Variants in PTPRD observed in about 807,000 individuals in gnomAD.
The protein encoded by PTPRD is protein tyrosine phosphatase receptor type D.
In PTPRD, 34 loss-of-function variants were observed where a neutral mutation model predicts 214.5. The ratio of observed to expected loss-of-function variants is 0.16; its 90% confidence interval spans 0.12 to 0.21. The LOEUF is 0.21. PTPRD is among the 10% of genes least tolerant of loss of function. The probability of loss-of-function intolerance (pLI) is 1.00; values close to 1 mark genes in which losing one functional copy is unlikely to be tolerated. For synonymous variants in PTPRD, 1,128 were observed against 845.7 expected, an observed-to-expected ratio of 1.33 and a Z score of -5.79; for missense variants, 2,545 against 2,398.7, an observed-to-expected ratio of 1.06 and a Z score of -1.27.
chr9:9,457,119 G>C (rs955851038), intron 8 of PTPRD, among the ~76,000 whole-genome samples: 1 of 151,894 alleles, frequency 6.6e-6, no homozygotes, highest in Non-Finnish European at 1.5e-5. Context: ...AGTAAGTGAA[G>C]TACTAGGTGA....
At chr9:10,350,437 A>T (rs1230991588) in intron 2 of PTPRD, among the ~76,000 whole-genome samples, 1 of 152,004 alleles carries the variant, frequency 6.6e-6, no homozygotes, top group Admixed American at 6.6e-5. Flanking sequence ...CATTTTACTT[A>T]TTATTAATAG....
intron 14 of PTPRD, among the ~76,000 whole-genome samples, chr9:8,550,574 C>T (rs963442095): frequency 6.6e-6 from 1 of 152,162 alleles, no homozygotes; most frequent in Non-Finnish European, 1.5e-5. Context: ...TGCTTATGTG[C>T]ACACACATTC....
At chr9:8,962,603 C>T (rs552470686) in intron 11 of PTPRD, among the ~76,000 whole-genome samples, 1 of 151,884 alleles carries the variant, frequency 6.6e-6, no homozygotes, top group African/African-American at 2.4e-5. Flanking sequence ...CAAGGGTGTC[C>T]ATGTAAAAAA....
intron 2 of PTPRD, among the ~76,000 whole-genome samples, chr9:10,549,202 T>G (rs1422511880): frequency 6.6e-6 from 1 of 152,186 alleles, no homozygotes; most frequent in South Asian, 2.1e-4. Flanking sequence ...TTCTTAACCA[T>G]GTATTATTAA....
At chr9:9,586,442 A>G (rs1404381855) in intron 7 of PTPRD, among the ~76,000 whole-genome samples, 1 of 152,014 alleles carries the variant, frequency 6.6e-6, no homozygotes, top group Non-Finnish European at 1.5e-5. Flanking sequence ...AGTTTTATGT[A>G]CCAGGCATTT....
chr9:9,524,416 T>G (rs1262273454), intron 8 of PTPRD, among the ~76,000 whole-genome samples: 1 of 152,188 alleles, frequency 6.6e-6, no homozygotes, highest in Non-Finnish European at 1.5e-5. Context: ...ATATTCTCCT[T>G]AATTCCTAAA....
At chr9:10,596,119 A>T (rs985125232) in intron 2 of PTPRD, among the ~76,000 whole-genome samples, 1 of 151,782 alleles carries the variant, frequency 6.6e-6, no homozygotes, top group African/African-American at 2.4e-5. Context: ...TAAGTTAGAT[A>T]ATAGGATGTC....
chr9:8,474,845 A>C (rs2096732159), intron 30 of PTPRD, among the ~76,000 whole-genome samples: 1 of 151,970 alleles, frequency 6.6e-6, no homozygotes, highest in African/African-American at 2.4e-5. Flanking sequence ...GTAAAGTAGA[A>C]GGGCTGGCCC....
At chr9:8,714,527 T>A in intron 12 of PTPRD, among the ~76,000 whole-genome samples, 1 of 152,312 alleles carries the variant, frequency 6.6e-6, no homozygotes, top group South Asian at 2.1e-4. Context: ...CTCCCCATTA[T>A]AGGATCTCTG....
intron 9 of PTPRD, among the ~76,000 whole-genome samples, chr9:9,344,835 GA>G (rs573654997): frequency 1.3e-5 from 2 of 151,458 alleles, no homozygotes; most frequent in African/African-American, 4.8e-5. Context: ...TGGTAGTTAA[GA>G]AAAAAAATGA....
chr9:10,446,484 T>G (rs2098800758), intron 2 of PTPRD, among the ~76,000 whole-genome samples: 1 of 149,560 alleles, frequency 6.7e-6, no homozygotes, highest in Non-Finnish European at 1.5e-5. Context: ...AATTCTCCTC[T>G]TTTAGTGGGA....
intron 5 of PTPRD, among the ~76,000 whole-genome samples, chr9:9,934,739 A>T (rs2153945241): frequency 6.6e-6 from 1 of 151,988 alleles, no homozygotes; most frequent in African/African-American, 2.4e-5. Flanking sequence ...GGCCAGCATC[A>T]TTTTAATACC....
intron 41 of PTPRD, 22 bp from the exon 42 acceptor site, chr9:8,340,491 G>C (rs41281781): frequency 2.6e-6 from 4 of 1,548,112 alleles, no homozygotes; most frequent in Non-Finnish European, 3.5e-6. Flanking sequence ...AGAATGAAAA[G>C]AATGTGTTAA....
At chr9:9,531,053 C>G (rs77010057) in intron 8 of PTPRD, among the ~76,000 whole-genome samples, 24,992 of 152,104 alleles carry the variant, frequency 0.16, 2,259 homozygotes, top group Middle Eastern at 0.2. Context: ...TCCCAACACA[C>G]AGAAATGATA....
intron 9 of PTPRD, among the ~76,000 whole-genome samples, chr9:9,319,718 T>G (rs1175795352): frequency 6.6e-6 from 1 of 152,198 alleles, no homozygotes; most frequent in Non-Finnish European, 1.5e-5. Context: ...AAGAAGGCAC[T>G]TTAGCCTATA....
chr9:9,548,386 C>T (rs145189311), intron 8 of PTPRD, among the ~76,000 whole-genome samples: 636 of 148,798 alleles, frequency 4.3e-3, no homozygotes, highest in Admixed American at 0.011. Context: ...TTACTTGCTA[C>T]GTATATGTGA....
At chr9:8,922,572 C>A (rs1387558048) in intron 11 of PTPRD, among the ~76,000 whole-genome samples, 1 of 152,154 alleles carries the variant, frequency 6.6e-6, no homozygotes, top group Non-Finnish European at 1.5e-5. Flanking sequence ...GATTCAGAGG[C>A]CTAATAGGCA....
At chr9:9,663,843 A>G (rs1029329506) in intron 7 of PTPRD, among the ~76,000 whole-genome samples, 2 of 151,590 alleles carry the variant, frequency 1.3e-5, no homozygotes, top group Non-Finnish European at 3.0e-5. Context: ...ACACTTTGGA[A>G]TGTCAAAAGC....
intron 2 of PTPRD, among the ~76,000 whole-genome samples, chr9:10,590,743 C>T (rs903175684): frequency 6.6e-6 from 1 of 151,806 alleles, no homozygotes; most frequent in Non-Finnish European, 1.5e-5. Context: ...GTCTCCTCCT[C>T]TATACAGGCA....
Sources: allele counts gnomAD v4.1 joint callset (sites outside exome capture counted in the v4.1 genomes callset), GRCh38; gene constraint gnomAD v4.1.1; transcripts MANE v1.5; gene names NCBI Gene and HGNC (gene_info 2026-07-23, HGNC 2026-07-21).